The following LARP1B variants were observed in gnomAD, a reference collection of about 807,000 sequenced individuals.
LARP1B encodes La ribonucleoprotein 1B, also known as la-related protein 1B.
Under a neutral mutation model 114.2 loss-of-function variants are expected in LARP1B, and 76 were observed. The ratio of observed to expected loss-of-function variants is 0.67; its 90% CI spans 0.55 to 0.81. LARP1B has a LOEUF of 0.81. LARP1B is among the 30% of genes least tolerant of loss of function. LARP1B has a pLI of 0.00. For missense variants in LARP1B, 1,014 were observed against 1,075.8 expected (o/e 0.94, Z 0.80); for synonymous variants, 345 against 348.0 (o/e 0.99, Z 0.10).
At chr4:128,075,091 T>G (rs148826099) in intron 3 of LARP1B, 98 bp downstream of exon 3, 1 of 834,334 alleles carries the variant, frequency 1.2e-6, no homozygotes, top group African/African-American at 1.7e-5. Flanking sequence ...AGAATTGTCA[T>G]ACTGGGGGAC....
chr4:128,149,859 A>G (rs1731916371), intron 11 of LARP1B, among the ~76,000 whole-genome samples: 1 of 152,172 alleles, frequency 6.6e-6, no homozygotes, highest in African/African-American at 2.4e-5. Context: ...TTGGAGGAAA[A>G]AAATAGGTGT....
At position 128,206,472 on chromosome 4, in the gene LARP1B, A is replaced by G. The variant is rs920479216; in HGVS notation, c.2354A>G (p.Glu785Gly). 6.8e-6 allele frequency: 11 copies of G among 1,608,828 alleles called. No homozygotes were observed. Among genetic ancestry groups the G allele is most frequent in the South Asian group, 1.1e-5 (1 of 90,224 alleles). ...TTCAGGTTTTATAGTTATGGACTGG[A>G]AAAAAAATTCAGGCGAGAAATTTTT... ...CLFRFYSYGLEKKFRREIFQD... is the reference protein window; with the variant it reads ...CLFRFYSYGLGKKFRREIFQD... Residue 785 changes from glutamate to glycine, a missense_variant, in exon 18 of 20, where the codon GAA (glutamate) becomes GGA (glycine). By Grantham distance (98) the Glu-to-Gly change is moderately conservative (BLOSUM62 -2). Transcript: ENST00000326639.
chr4:128,119,411 T>C (rs962895901), intron 10 of LARP1B, among the ~76,000 whole-genome samples: 8 of 152,248 alleles, frequency 5.3e-5, no homozygotes, highest in Admixed American at 2.6e-4. Context: ...TGTGTTCAAC[T>C]TCTGTTCAGC....
At chr4:128,116,921 G>GTTT (rs5861843) in intron 10 of LARP1B, among the ~76,000 whole-genome samples, 16 of 136,886 alleles carry the variant, frequency 1.2e-4, no homozygotes, top group Non-Finnish European at 1.8e-4. Flanking sequence ...TTCCTCTTGA[G>GTTT]TTTTTTTTTT....
At chr4:128,068,137 C>T (rs1051214154) in intron 1 of LARP1B, among the ~76,000 whole-genome samples, 9 of 152,202 alleles carry the variant, frequency 5.9e-5, no homozygotes, top group Non-Finnish European at 1.3e-4. Flanking sequence ...GCCTCGGCCT[C>T]CCAAAGTGCT....
chr4:128,103,624 A>G (rs530382352), intron 8 of LARP1B, among the ~76,000 whole-genome samples: 79 of 143,688 alleles, frequency 5.5e-4, no homozygotes, highest in African/African-American at 2.0e-3. Context: ...GTGCGGTGGC[A>G]TGATCTTGGC....
intron 9 of LARP1B, among the ~76,000 whole-genome samples, chr4:128,111,308 A>G (rs559011358): frequency 1.4e-4 from 22 of 152,194 alleles, no homozygotes; most frequent in African/African-American, 5.1e-4. Flanking sequence ...CGGCCCCCCA[A>G]AGTGCTGGGA....
At chr4:128,123,008 T>TTTA in intron 11 of LARP1B, 1 of 984,970 alleles carries the variant, frequency 1.0e-6, no homozygotes, top group Non-Finnish European at 1.2e-6. Flanking sequence ...TTATATAACA[T>TTTA]TATATGCCAA....
At chr4:128,168,278 G>GT (rs199688331) in intron 12 of LARP1B, among the ~76,000 whole-genome samples, 10 of 150,786 alleles carry the variant, frequency 6.6e-5, no homozygotes, top group South Asian at 6.3e-4. Flanking sequence ...AGTATTGTTA[G>GT]TTTTTTTTTT....
chr4:128,195,890 T>C (rs1317250165), intron 15 of LARP1B, among the ~76,000 whole-genome samples: 1 of 152,052 alleles, frequency 6.6e-6, no homozygotes, highest in Non-Finnish European at 1.5e-5. Flanking sequence ...TGCAAATAAC[T>C]AGAATCAGAA....
chr4:128,084,587 TTCGGC>T (rs548323359), intron 5 of LARP1B, among the ~76,000 whole-genome samples: 4,025 of 151,920 alleles, frequency 0.026, 162 homozygotes, highest in African/African-American at 0.092. Context: ...ACAGTCCAGC[TTCGGC>T]TCGGCATCAG....
intron 15 of LARP1B, among the ~76,000 whole-genome samples, chr4:128,188,076 AT>A (rs111868788): frequency 0.038 from 5,378 of 141,924 alleles, 251 homozygotes; most frequent in African/African-American, 0.12. Context: ...AGTCTCGGGT[AT>A]TTTTTTTTTT....
chr4:128,069,137 C>G (rs938247005), intron 1 of LARP1B: 2 of 1,086,024 alleles, frequency 1.8e-6, no homozygotes, highest in African/African-American at 3.1e-5. Context: ...CTGCAGATGG[C>G]AGCCCATGCA....
rs767057115 is a variant in LARP1B, at chr4:128,091,501, T to C, written c.657T>C (p.Ile219=). 1 of 1,602,392 alleles carries C rather than the reference T, an allele frequency of 6.2e-7. No individual in the cohort carries two copies. Among genetic ancestry groups the C allele is most frequent in the Non-Finnish European group, 8.5e-7 (1 of 1,175,856 alleles). ...PVEEALLKEY[I]KRQIEYYFSV... Reference sequence around the variant, plus strand: ...AAGAAGCATTGCTTAAAGAGTATATTAAGCGTCAAATGTAAGTGGATGTTT... The same window carrying C: ...AAGAAGCATTGCTTAAAGAGTATATCAAGCGTCAAATGTAAGTGGATGTTT... Residue 219 remains isoleucine (I), a synonymous_variant, in exon 7 of 20, where the codon ATT becomes ATC. Transcript: ENST00000326639.
intron 11 of LARP1B, among the ~76,000 whole-genome samples, chr4:128,130,688 A>G (rs1167785321): frequency 6.6e-6 from 1 of 152,232 alleles, no homozygotes; most frequent in Non-Finnish European, 1.5e-5. Flanking sequence ...AATTTACTCA[A>G]ATGAGTTGAG....
At chr4:128,209,785 G>A (rs2150966338) in intron 19 of LARP1B, 71 bp from the exon 20 acceptor site, 2 of 1,255,846 alleles carry the variant, frequency 1.6e-6, no homozygotes, top group East Asian at 2.3e-5. Flanking sequence ...TTGGGGAAAA[G>A]TCTAGCCTTA....
At chr4:128,172,821 TTTTG>T (rs1374707928) in intron 12 of LARP1B, among the ~76,000 whole-genome samples, 1 of 152,104 alleles carries the variant, frequency 6.6e-6, no homozygotes, top group Non-Finnish European at 1.5e-5. Flanking sequence ...TAATGCTCTG[TTTTG>T]TTGTTGTTGT....
At chr4:128,166,930 TTCTCTC>T (rs56916317) in intron 12 of LARP1B, among the ~76,000 whole-genome samples, 6,019 of 102,700 alleles carry the variant, frequency 0.059, 201 homozygotes, top group Admixed American at 0.092. Context: ...TTATATTCTA[TTCTCTC>T]TCTCTCTCTC....
Position 128,107,160 on chromosome 4 carries a change from G to A in LARP1B, c.835G>A (p.Val279Ile). Reference protein sequence around the residue: ...ILEALKDSTEVEIVDEKMRKK... With the variant: ...ILEALKDSTEIEIVDEKMRKK... ...ATAGGCACTGAAGGATAGCACAGAAGTAGAAATTGTGGATGAGAAAATGAG... is the reference window on the plus strand; with the variant it reads ...ATAGGCACTGAAGGATAGCACAGAAATAGAAATTGTGGATGAGAAAATGAG... The change falls in exon 9 of 20, where the codon GTA (valine) becomes ATA (isoleucine). Residue 279 changes from valine to isoleucine, a missense_variant. Val to Ile is a conservative substitution (Grantham distance 29). Coordinates refer to ENST00000326639, the MANE Select transcript of LARP1B (RefSeq NM_018078.4). 6.2e-7 allele frequency: 1 copy of A among 1,613,988 alleles called. No homozygotes were observed. The highest frequency in any genetic ancestry group is 8.5e-7 in the Non-Finnish European group (1 of 1,179,898).
Sources: gnomAD v4.1 joint callset for allele counts (sites outside exome capture counted in the v4.1 genomes callset) on GRCh38, gnomAD v4.1.1 for gene constraint, MANE v1.5 for transcripts, NCBI Gene and HGNC (gene_info 2026-07-23, HGNC 2026-07-21) for gene names.